Variants in ENOX1 observed in about 807,000 individuals in gnomAD.
ENOX1 encodes candidate growth-related and time keeping constitutive hydroquinone (NADH) oxidase.
In ENOX1, 42 loss-of-function variants were observed where a neutral mutation model predicts 82.5. That is an observed-to-expected ratio of 0.51 (90% CI 0.40 to 0.66). The LOEUF (loss-of-function observed/expected upper bound fraction) is 0.66. Ranked by LOEUF, ENOX1 falls within the 30% of genes least tolerant of loss-of-function variation. The pLI, the probability that ENOX1 is intolerant of heterozygous loss-of-function variation, is 0.00. For synonymous variants in ENOX1, 271 were observed against 282.2 expected, an observed-to-expected ratio of 0.96 and a Z score of 0.40; for missense variants, 608 against 811.6, an observed-to-expected ratio of 0.75 and a Z score of 3.05.
intron 14 of ENOX1, among the ~76,000 whole-genome samples, chr13:43,242,395 G>GCT (rs1421407781): frequency 1.3e-5 from 2 of 152,200 alleles, no homozygotes; most frequent in East Asian, 3.8e-4. Context: ...GCCAAAGTGT[G>GCT]CTCCCCAATT....
At chr13:43,259,929 T>C (rs2043961648) in intron 14 of ENOX1, among the ~76,000 whole-genome samples, 1 of 152,162 alleles carries the variant, frequency 6.6e-6, no homozygotes, top group South Asian at 2.1e-4. Flanking sequence ...GCCTGAGTTG[T>C]TTTTTACCTT....
intron 2 of ENOX1, among the ~76,000 whole-genome samples, chr13:43,584,552 G>C (rs2080892135): frequency 6.6e-6 from 1 of 152,174 alleles, no homozygotes; most frequent in Non-Finnish European, 1.5e-5. Context: ...CATTAGGTTA[G>C]AACAGTACAA....
intron 1 of ENOX1, among the ~76,000 whole-genome samples, chr13:43,670,808 A>T (rs2085225697): frequency 6.6e-6 from 1 of 152,148 alleles, no homozygotes; most frequent in South Asian, 2.1e-4. Context: ...GCGACACTGC[A>T]CTCCAGCCTG....
At chr13:43,681,896 T>G (rs1009697465) in intron 1 of ENOX1, among the ~76,000 whole-genome samples, 3 of 152,208 alleles carry the variant, frequency 2.0e-5, no homozygotes, top group Middle Eastern at 6.8e-3. Context: ...CATATGCTAT[T>G]TCTAACCCCA....
At position 43,455,754 on chromosome 13, in the gene ENOX1, A is replaced by C. The variant is rs2057197571; in HGVS notation, c.-75+28255T>G. The stretch of plus-strand genomic sequence containing the variant: ...AATCATGGGGGGTGGTTTCCTCCAT[A>C]CTGTTCTCATGGGAATGGATAAGTC... On this transcript the variant is annotated intron_variant, in intron 3 of 16. Coordinates refer to ENST00000690772, the MANE Select transcript of ENOX1 (RefSeq NM_001347969.2). Among the ~76,000 whole-genome samples, 6 of 152,034 alleles carry C rather than the reference A, an allele frequency of 3.9e-5. No homozygotes were observed. The South Asian group carries it at 1.2e-3, about 32-fold the overall frequency.
intron 16 of ENOX1, among the ~76,000 whole-genome samples, chr13:43,215,531 C>T (rs1480679422): frequency 6.6e-6 from 1 of 152,190 alleles, no homozygotes; most frequent in African/African-American, 2.4e-5. Flanking sequence ...TGGTGAGATT[C>T]GTGAGCAGAT....
chr13:43,583,015 A>ACG (rs1255306367), intron 2 of ENOX1, among the ~76,000 whole-genome samples: 1 of 152,068 alleles, frequency 6.6e-6, no homozygotes, highest in Non-Finnish European at 1.5e-5. Flanking sequence ...ACACACACAC[A>ACG]CGCACGCACA....
chr13:43,439,882 T>C (rs1378373064), intron 3 of ENOX1, among the ~76,000 whole-genome samples: 1 of 152,178 alleles, frequency 6.6e-6, no homozygotes, highest in African/African-American at 2.4e-5. Flanking sequence ...CACAATGCAT[T>C]ATTTTCAATA....
chr13:43,290,816 C>A (rs148344936), intron 12 of ENOX1, among the ~76,000 whole-genome samples: 2 of 152,226 alleles, frequency 1.3e-5, no homozygotes, highest in South Asian at 2.1e-4. Flanking sequence ...CACTTGAGAT[C>A]GGGAGTTCAA....
At chr13:43,571,913 G>T (rs547735206) in intron 2 of ENOX1, among the ~76,000 whole-genome samples, 45 of 152,056 alleles carry the variant, frequency 3.0e-4, no homozygotes, top group African/African-American at 1.0e-3. Context: ...TGGTGCATGC[G>T]CAAGGAGTCA....
chr13:43,429,111 G>T (rs2055507038), intron 3 of ENOX1, among the ~76,000 whole-genome samples: 1 of 152,190 alleles, frequency 6.6e-6, no homozygotes, highest in African/African-American at 2.4e-5. Flanking sequence ...GCATACCAGA[G>T]GAGAGCTCCT....
intron 2 of ENOX1, among the ~76,000 whole-genome samples, chr13:43,550,054 A>G (rs537194822): frequency 3.3e-5 from 5 of 152,298 alleles, no homozygotes; most frequent in Admixed American, 2.0e-4. Context: ...TGTGCAACCT[A>G]GATCCCTCAC....
At chr13:43,451,112 A>G (rs574672206) in intron 3 of ENOX1, among the ~76,000 whole-genome samples, 1 of 152,314 alleles carries the variant, frequency 6.6e-6, no homozygotes, top group Admixed American at 6.5e-5. Flanking sequence ...AAGTAAAAAT[A>G]TCATGAAGGG....
chr13:43,391,476 A>G (rs1022423923), intron 5 of ENOX1, among the ~76,000 whole-genome samples: 2 of 152,092 alleles, frequency 1.3e-5, no homozygotes, highest in South Asian at 4.2e-4. Flanking sequence ...TCACCACTTA[A>G]GATATCCCAC....
intron 2 of ENOX1, among the ~76,000 whole-genome samples, chr13:43,530,383 G>T (rs2078159813): frequency 6.6e-6 from 1 of 152,092 alleles, no homozygotes; most frequent in African/African-American, 2.4e-5. Context: ...ACCTGGGGGT[G>T]ATCTGCAGAG....
At chr13:43,421,173 T>C (rs2054950262) in intron 3 of ENOX1, among the ~76,000 whole-genome samples, 2 of 152,154 alleles carry the variant, frequency 1.3e-5, no homozygotes, top group South Asian at 4.1e-4. Flanking sequence ...TAGCACTTAG[T>C]GTCAAACCCA....
At chr13:43,446,599 A>G (rs1207893927) in intron 3 of ENOX1, among the ~76,000 whole-genome samples, 3 of 152,166 alleles carry the variant, frequency 2.0e-5, no homozygotes, top group Admixed American at 6.5e-5. Context: ...TATGCCCTCC[A>G]TGGCTATTCT....
intron 2 of ENOX1, among the ~76,000 whole-genome samples, chr13:43,551,500 C>T (rs2079193273): frequency 1.3e-5 from 2 of 151,974 alleles, no homozygotes; most frequent in Admixed American, 1.3e-4. Flanking sequence ...AAACTACTGA[C>T]CCATTTTTTA....
In ENOX1 at chr13:43,344,733, C is replaced by G; in HGVS notation, c.841G>C (p.Glu281Gln). 1 of 1,613,938 alleles carries G rather than the reference C, an allele frequency of 6.2e-7. No individual in the cohort carries two copies. Among genetic ancestry groups the G allele is most frequent in the Non-Finnish European group, 8.5e-7 (1 of 1,179,956 alleles). ...EKLKDDSKFS[E>Q]AITVLLSWIE... ...CAGGAAAGCAGCACTGTGATAGCCTCTGAAAACTTGCTATCATCTGGAAAT... is the reference window on the plus strand; with the variant it reads ...CAGGAAAGCAGCACTGTGATAGCCTGTGAAAACTTGCTATCATCTGGAAAT... The change falls in exon 9 of 17, where the codon GAG becomes CAG. Residue 281 changes from glutamate (E) to glutamine (Q), a missense_variant. Physicochemically the swap from Glu to Gln is conservative, Grantham distance 29. Transcript: ENST00000690772.
Sources: allele counts gnomAD v4.1 joint callset (sites outside exome capture counted in the v4.1 genomes callset), GRCh38; gene constraint gnomAD v4.1.1; transcripts MANE v1.5; gene names NCBI Gene and HGNC (gene_info 2026-07-23, HGNC 2026-07-21).